THUMPD1: variants seen among roughly 807,000 people sequenced by gnomAD.
The protein encoded by THUMPD1 is THUMP domain 1 NAT10 acetyltransferase adaptor, also known as THUMP domain-containing protein 1.
Under a neutral mutation model 31.6 loss-of-function variants are expected in THUMPD1, and 31 were observed. The observed-to-expected ratio is 0.98, with a 90% CI of 0.74 to 1.32. The LOEUF (loss-of-function observed/expected upper bound fraction) is 1.32, where lower values mean the gene tolerates loss of function less well. Ranked by LOEUF, THUMPD1 falls within the 40% of genes most tolerant of loss-of-function variation. THUMPD1 has a pLI of 0.00. For synonymous variants in THUMPD1, 166 were observed against 158.2 expected (o/e 1.05, Z -0.37); for missense variants, 446 against 427.8 (o/e 1.04, Z -0.38).
At position 20,735,108 on chromosome 16, in the gene THUMPD1, G is replaced by A. The variant is rs1349554954; in HGVS notation, c.*1772C>T. 3 of 152,078 alleles carry A rather than the reference G, an allele frequency of 2.0e-5. No individual in the cohort carries two copies. The highest frequency in any genetic ancestry group is 7.2e-5 in the African/African-American group (3 of 41,412). The allele number at this position is 152,078 out of a possible 1,614,324, so 9.4% of individuals were successfully genotyped here. ...TCCTTTTAGATCTAAGAGTCTTGTC[G>A]CTTTAAGAAAAATTTTTTTCCCCAG... On this transcript the variant is annotated 3_prime_UTR_variant, in exon 4 of 4. Transcript: ENST00000396083.
chr16:20,734,438 C>T lies in THUMPD1; in HGVS notation c.*2442G>A, dbSNP rs781322531. On this transcript the variant is annotated 3_prime_UTR_variant, in exon 4 of 4. Transcript: ENST00000396083. ...GTAAAGCTATAGAAGGAAGGTCCTG[C>T]CTATTCTCTTTGCCCCTCTCAAATC... is the stretch of plus-strand genomic sequence containing the variant. 8.5e-5 allele frequency: 13 copies of T among 152,520 alleles called. No individual in the cohort carries two copies. Among genetic ancestry groups the T allele is most frequent in the Non-Finnish European group, 1.8e-4 (12 of 68,028 alleles). 9.4% of individuals were successfully genotyped at this position (152,520 alleles called of 1,614,324 possible). A position where few individuals can be genotyped will look rare whatever the true frequency, so the allele number is the denominator to read the frequency against.
rs372489239 is a variant in THUMPD1, at chr16:20,741,555, T to G, written c.185A>C (p.Tyr62Ser). 6 of 1,350,150 alleles carry G rather than the reference T, an allele frequency of 4.4e-6. No homozygotes were observed. The African/African-American group carries it at 9.4e-5, about 21-fold the overall frequency. The allele number at this position is 1,350,150 out of a possible 1,614,324, so 83.6% of individuals were successfully genotyped here. Reference sequence around the variant, plus strand: ...GTCGCCGTATTCGTTGAGGAGGCTGTAGGCCTCCTCCACGCACTTGCGCTC... The same window carrying G: ...GTCGCCGTATTCGTTGAGGAGGCTGGAGGCCTCCTCCACGCACTTGCGCTC... The part of the protein sequence containing the change: ...MNERKCVEEA[Y>S]SLLNEYGDDM... Residue 62 changes from tyrosine (Y) to serine (S), a missense_variant, in exon 1 of 4, where the codon TAC becomes TCC. Transcript: ENST00000396083.
In THUMPD1 at chr16:20,736,843, C is replaced by T; in HGVS notation, c.*37G>A. ...AGCCCCAGCAACATCTCGTAGAGCCCCAGGTGAGAAACCCACCTCCAACAC... is the reference window on the plus strand; with the variant it reads ...AGCCCCAGCAACATCTCGTAGAGCCTCAGGTGAGAAACCCACCTCCAACAC... On this transcript the variant is annotated 3_prime_UTR_variant, in exon 4 of 4. Transcript: ENST00000396083. 6.3e-7 allele frequency: 1 copy of T among 1,595,818 alleles called. No individual in the cohort carries two copies. Among genetic ancestry groups the T allele is most frequent in the Non-Finnish European group, 8.6e-7 (1 of 1,168,878 alleles).
chr16:20,738,145 T>C (rs1209597821), intron 2 of THUMPD1, 189 bp from the exon 3 acceptor site: 7 of 678,516 alleles, frequency 1.0e-5, no homozygotes, highest in Non-Finnish European at 1.1e-5. Context: ...ATAATGTATC[T>C]AATATATTTT....
intron 1 of THUMPD1, among the ~76,000 whole-genome samples, chr16:20,740,389 A>G (rs886508171): frequency 1.3e-5 from 2 of 152,256 alleles, no homozygotes; most frequent in African/African-American, 4.8e-5. Context: ...TGACAGAGCA[A>G]GACCGCTTCC....
intron 1 of THUMPD1, among the ~76,000 whole-genome samples, chr16:20,739,477 G>A (rs1443368232): frequency 6.6e-6 from 1 of 152,040 alleles, no homozygotes. Context: ...AGCTGACTCA[G>A]TATTGATAAT....
In THUMPD1 at chr16:20,734,328, C is replaced by T. The variant is rs1233516644; in HGVS notation, c.*2552G>A. On this transcript the variant is annotated 3_prime_UTR_variant, in exon 4 of 4. Coordinates refer to ENST00000396083, the MANE Select transcript of THUMPD1 (RefSeq NM_017736.5). ...AGAAGGCACCAAAATCCTATCCTCC[C>T]TATTCCCCTAACTGATATTAATAAT... 1 of 152,588 alleles carries T rather than the reference C, an allele frequency of 6.6e-6. No individual in the cohort carries two copies. Among genetic ancestry groups the T allele is most frequent in the Non-Finnish European group, 1.5e-5 (1 of 68,020 alleles). The allele number at this position is 152,588 out of a possible 1,614,324, so 9.5% of individuals were successfully genotyped here.
rs374893380 is a variant in THUMPD1 at position 20,737,268 on chromosome 16, T to G, written c.674A>C (p.Asn225Thr). Reference sequence around the variant, plus strand: ...GGTGAGATCCACTTTATTTTCTGAATTGAGGGTGCACACTATTCCTGTAAC... The same window carrying G: ...GGTGAGATCCACTTTATTTTCTGAAGTGAGGGTGCACACTATTCCTGTAAC... ...RELAGIVCTL[N>T]SENKVDLTNP... is the part of the protein sequence containing the mutation. The change falls in exon 4 of 4, where the codon AAT (asparagine) becomes ACT (threonine). Residue 225 changes from asparagine to threonine, a missense_variant. Physicochemically the swap from Asn to Thr is moderately conservative, Grantham distance 65. Coordinates refer to ENST00000396083, the MANE Select transcript of THUMPD1 (RefSeq NM_017736.5). 6.2e-7 allele frequency: 1 copy of G among 1,613,072 alleles called. No individual in the cohort carries two copies. Among genetic ancestry groups the G allele is most frequent in the African/African-American group, 1.3e-5 (1 of 74,908 alleles).
At chr16:20,737,325 A>G (rs1410147830) in intron 3 of THUMPD1, 39 bp from the exon 4 acceptor site, 1 of 1,561,094 alleles carries the variant, frequency 6.4e-7, no homozygotes, top group South Asian at 1.2e-5. Flanking sequence ...TGAGGAGGAT[A>G]CCATTACATC....
Position 20,736,902 on chromosome 16 carries a change from G to T in THUMPD1, c.1040C>A (p.Ser347Ter). The change falls in exon 4 of 4, where the codon TCA becomes TAA. Residue 347 changes from serine to a stop codon, truncating the protein, a stop_gained. Transcript: ENST00000396083. LOFTEE classifies it high-confidence loss of function. ...TTCCTATGAGAAGTCATTTTCATTT[G>T]ACTTGGATCCTTCTGTGGCTTGACT... ...LASQATEGSK[S>*]NENDFS is the part of the protein sequence containing the mutation. The T allele has an allele frequency of 6.2e-7, 1 of 1,614,030 alleles. No homozygotes were observed. The highest frequency in any genetic ancestry group is 1.1e-5 in the South Asian group (1 of 91,044).
In THUMPD1 at chr16:20,741,698, C is replaced by T. The variant is rs1423563409; in HGVS notation, c.42G>A (p.Gly14=). ...CATACTGAGCCTTGCCTTTGCGCTTCCCGCCGCCAGGCTGAGTAGTCTGCT... is the reference window on the plus strand; with the variant it reads ...CATACTGAGCCTTGCCTTTGCGCTTTCCGCCGCCAGGCTGAGTAGTCTGCT... ...PAQQTTQPGG[G]KRKGKAQYVL... is the part of the protein sequence containing the mutation. The change falls in exon 1 of 4, where the codon GGG becomes GGA. Residue 14 remains glycine, a synonymous_variant. Transcript: ENST00000396083. The T allele has an allele frequency of 1.9e-6, 3 of 1,578,950 alleles. No individual in the cohort carries two copies. Among genetic ancestry groups the T allele is most frequent in the Non-Finnish European group, 1.7e-6 (2 of 1,162,384 alleles).
At chr16:20,741,009 A>G (rs1010831912) in intron 1 of THUMPD1, among the ~76,000 whole-genome samples, 2 of 152,128 alleles carry the variant, frequency 1.3e-5, no homozygotes, top group Admixed American at 6.5e-5. Flanking sequence ...TCGCGCCTGT[A>G]ATCTCAGCAC....
In THUMPD1 at chr16:20,737,662, G is replaced by A. The variant is rs897351873; in HGVS notation, c.655+46C>T. On this transcript the variant is annotated intron_variant, in intron 3 of 3. Transcript: ENST00000396083. ...AAAGAAAAAAATCCTTAAAAAACAA[G>A]TATTTACCATTGAATGCCTATGGAA... The A allele has an allele frequency of 4.5e-6, 7 of 1,548,442 alleles. No homozygotes were observed. The African/African-American group carries it at 9.7e-5, about 22-fold the overall frequency.
chr16:20,738,875 T>C (rs369383898), intron 2 of THUMPD1, 22 bp downstream of exon 2: 31 of 1,611,756 alleles, frequency 1.9e-5, no homozygotes, highest in Non-Finnish European at 2.5e-5. Context: ...AGATCGATAA[T>C]CTTAGCAAGT....
chr16:20,739,796 G>A (rs1300736590), intron 1 of THUMPD1, among the ~76,000 whole-genome samples: 1 of 150,844 alleles, frequency 6.6e-6, no homozygotes, highest in African/African-American at 2.4e-5. Flanking sequence ...ACTCCAGCCT[G>A]GGTGACAGAG....
Position 20,736,644 on chromosome 16 carries a change from A to C in THUMPD1, c.*236T>G. On this transcript the variant is annotated 3_prime_UTR_variant, in exon 4 of 4. Coordinates refer to ENST00000396083, the MANE Select transcript of THUMPD1 (RefSeq NM_017736.5). The stretch of plus-strand genomic sequence containing the variant: ...TGGGAGAGGCCAACATCCCCCTCCT[A>C]TCCTCCCCTCTTTGCAACAGCAGCA... 2.1e-6 allele frequency: 1 copy of C among 474,848 alleles called. No homozygotes were observed. Among genetic ancestry groups the C allele is most frequent in the Non-Finnish European group, 3.7e-6 (1 of 267,786 alleles). The allele number at this position is 474,848 out of a possible 1,614,324, so 29.4% of individuals were successfully genotyped here. A position where few individuals can be genotyped will look rare whatever the true frequency, so the allele number is the denominator to read the frequency against.
chr16:20,739,963 G>A (rs2079903061), intron 1 of THUMPD1, among the ~76,000 whole-genome samples: 1 of 152,194 alleles, frequency 6.6e-6, no homozygotes, highest in Non-Finnish European at 1.5e-5. Context: ...TCATTTTAGG[G>A]TGGACCTTAA....
At position 20,737,268 on chromosome 16, in the gene THUMPD1, T is replaced by TTGG; in HGVS notation, c.673_674insCCA (p.Leu224_Asn225insThr). 1 of 1,613,190 alleles carries TTGG rather than the reference T, an allele frequency of 6.2e-7. No homozygotes were observed. The highest frequency in any genetic ancestry group is 8.5e-7 in the Non-Finnish European group (1 of 1,179,354). ...GGTGAGATCCACTTTATTTTCTGAATTGAGGGTGCACACTATTCCTGTAAC... is the reference window on the plus strand; with the variant it reads ...GGTGAGATCCACTTTATTTTCTGAATTGGTGAGGGTGCACACTATTCCTGTAAC... On this transcript the variant is annotated inframe_insertion, in exon 4 of 4. Transcript: ENST00000396083.
rs376059594 is a variant in THUMPD1 at position 20,741,588 on chromosome 16, T to C, written c.152A>G (p.Asn51Ser). The change falls in exon 1 of 4, where the codon AAT becomes AGT. Residue 51 changes from asparagine (N) to serine (S), a missense_variant. By Grantham distance (46) the Asn-to-Ser change is conservative. Transcript: ENST00000396083. ...PGLQGILITCNMNERKCVEEA... is the reference protein window; with the variant it reads ...PGLQGILITCSMNERKCVEEA... ...CTCCACGCACTTGCGCTCGTTCATA[T>C]TGCAGGTGATGAGGATGCCCTGTAG... 3.8e-6 allele frequency: 6 copies of C among 1,572,284 alleles called. No individual in the cohort carries two copies. In the African/African-American group the frequency reaches 4.1e-5, roughly 11 times the overall value.
Sources: gnomAD v4.1 joint callset for allele counts (sites outside exome capture counted in the v4.1 genomes callset) on GRCh38, gnomAD v4.1.1 for gene constraint, MANE v1.5 for transcripts, NCBI Gene and HGNC (gene_info 2026-07-23, HGNC 2026-07-21) for gene names.